The following SAV1 variants were observed in gnomAD, a reference collection of about 807,000 sequenced individuals.
The protein encoded by SAV1 is protein salvador homolog 1.
SAV1 carries 23 observed loss-of-function variants against 47.3 expected under a neutral mutation model. That is an observed-to-expected ratio of 0.49 (90% CI 0.35 to 0.69). SAV1 has a LOEUF of 0.69. SAV1 is among the 30% of genes least tolerant of loss of function. SAV1 has a pLI of 0.01. For synonymous variants in SAV1, 155 were observed against 159.2 expected (o/e 0.97, Z 0.20); for missense variants, 448 against 457.4 (o/e 0.98, Z 0.19).
chr14:50,646,685 CAAAAAA>C (rs78772724), intron 2 of SAV1, among the ~76,000 whole-genome samples: 3 of 76,320 alleles, frequency 3.9e-5, no homozygotes, highest in African/African-American at 9.0e-5. Flanking sequence ...AACTCTGTCT[CAAAAAA>C]AAAAAAAAAA....
Position 50,667,862 on chromosome 14 carries a change from C to A in SAV1, c.94+12G>T. ...CTGGGCCAGGTGTGGGCACGCCCCG[C>A]CTGACACTCACTCCGAAGCAGAGGC... is the stretch of plus-strand genomic sequence containing the variant. On this transcript the variant is annotated intron_variant, in intron 1 of 4. Coordinates refer to ENST00000324679, the MANE Select transcript of SAV1 (RefSeq NM_021818.4). 1 of 1,612,122 alleles carries A rather than the reference C, an allele frequency of 6.2e-7. No homozygotes were observed. Among genetic ancestry groups the A allele is most frequent in the Non-Finnish European group, 8.5e-7 (1 of 1,178,740 alleles).
Position 50,635,148 on chromosome 14 carries a change from AG to A in SAV1, c.*34del, listed in dbSNP as rs1196553552. On this transcript the variant is annotated 3_prime_UTR_variant, in exon 5 of 5. Coordinates refer to ENST00000324679, the MANE Select transcript of SAV1 (RefSeq NM_021818.4). Reference sequence around the variant, plus strand: ...TTTTTTATCTGTGAAAATATTTTAAAGCTCTTACAAAACTTAAATTTTTAAA... The same window carrying A: ...TTTTTTATCTGTGAAAATATTTTAAACTCTTACAAAACTTAAATTTTTAAA... 1 of 1,503,366 alleles carries A rather than the reference AG, an allele frequency of 6.7e-7. No individual in the cohort carries two copies. Among genetic ancestry groups the A allele is most frequent in the South Asian group, 1.1e-5 (1 of 87,638 alleles). The allele number at this position is 1,503,366 out of a possible 1,614,324, so 93.1% of individuals were successfully genotyped here.
At chr14:50,665,990 T>C (rs1450060671) in intron 1 of SAV1, among the ~76,000 whole-genome samples, 1 of 152,216 alleles carries the variant, frequency 6.6e-6, no homozygotes, top group African/African-American at 2.4e-5. Flanking sequence ...AAATTGATAG[T>C]TTCTAGTTAA....
intron 2 of SAV1, among the ~76,000 whole-genome samples, chr14:50,648,380 A>G (rs1384015448): frequency 6.6e-6 from 1 of 152,216 alleles, no homozygotes; most frequent in African/African-American, 2.4e-5. Flanking sequence ...ATTACATGAA[A>G]TCTATACATA....
intron 3 of SAV1, among the ~76,000 whole-genome samples, chr14:50,642,275 G>A (rs969004628): frequency 1.1e-4 from 17 of 152,056 alleles, no homozygotes; most frequent in African/African-American, 3.9e-4. Context: ...TCACACCTGA[G>A]GTCGGGAGTT....
At chr14:50,644,698 T>C (rs767373591) in intron 3 of SAV1, 46 bp downstream of exon 3, 4 of 1,561,786 alleles carry the variant, frequency 2.6e-6, no homozygotes, top group Non-Finnish European at 2.6e-6. Flanking sequence ...AACCTAACAT[T>C]AGACAATCCC....
At chr14:50,650,787 C>T (rs2039761647) in intron 2 of SAV1, among the ~76,000 whole-genome samples, 1 of 152,110 alleles carries the variant, frequency 6.6e-6, no homozygotes, top group Non-Finnish European at 1.5e-5. Flanking sequence ...TTTGGGAGGC[C>T]AAGGTGGATG....
In SAV1 at chr14:50,633,610, A is replaced by C. The variant is rs1193073747; in HGVS notation, c.*1573T>G. On this transcript the variant is annotated 3_prime_UTR_variant, in exon 5 of 5. Transcript: ENST00000324679. Reference sequence around the variant, plus strand: ...AAAATGAAATACAGCACTATGTCTAAAACATGGACTCAAAAACCACGCGCT... The same window carrying C: ...AAAATGAAATACAGCACTATGTCTACAACATGGACTCAAAAACCACGCGCT... The C allele has an allele frequency of 6.6e-6, 1 of 152,614 alleles. No individual in the cohort carries two copies. Among genetic ancestry groups the C allele is most frequent in the Admixed American group, 6.5e-5 (1 of 15,280 alleles). 9.5% of individuals were successfully genotyped at this position (152,614 alleles called of 1,614,324 possible). A position where few individuals can be genotyped will look rare whatever the true frequency, so the allele number is the denominator to read the frequency against.
rs2039917149 is a variant in SAV1 at position 50,667,881 on chromosome 14, C to T, written c.87G>A (p.Leu29=). 1 of 1,613,164 alleles carries T rather than the reference C, an allele frequency of 6.2e-7. No individual in the cohort carries two copies. The highest frequency in any genetic ancestry group is 1.7e-5 in the Admixed American group (1 of 60,000). The change falls in exon 1 of 5, where the codon CTG becomes CTA. Residue 29 remains leucine (L), a synonymous_variant. Transcript: ENST00000324679. ...GKYVKKETSP[L]LRNLMPSFIR... is the part of the protein sequence containing the mutation. The stretch of plus-strand genomic sequence containing the variant: ...GCCCCGCCTGACACTCACTCCGAAG[C>T]AGAGGCGACGTCTCCTTCTTCACGT...
intron 2 of SAV1, among the ~76,000 whole-genome samples, chr14:50,652,085 T>C (rs1262632807): frequency 6.6e-6 from 1 of 152,196 alleles, no homozygotes; most frequent in African/African-American, 2.4e-5. Context: ...AATAGTTACA[T>C]AATTGTCAAC....
intron 2 of SAV1, among the ~76,000 whole-genome samples, chr14:50,647,781 A>C (rs1303197316): frequency 6.6e-6 from 1 of 152,134 alleles, no homozygotes; most frequent in African/African-American, 2.4e-5. Context: ...ACCAAACAAA[A>C]CCTGACAATG....
At chr14:50,635,603 C>CA (rs1429334134) in intron 4 of SAV1, among the ~76,000 whole-genome samples, 2 of 152,040 alleles carry the variant, frequency 1.3e-5, no homozygotes, top group African/African-American at 4.8e-5. Flanking sequence ...TGCTTGTGCC[C>CA]AAGAGTTTGA....
At chr14:50,647,614 A>G (rs904793896) in intron 2 of SAV1, among the ~76,000 whole-genome samples, 8 of 152,212 alleles carry the variant, frequency 5.3e-5, no homozygotes, top group African/African-American at 9.6e-5. Context: ...GTTAAAAAAA[A>G]GGGGGGTAAG....
intron 2 of SAV1, among the ~76,000 whole-genome samples, chr14:50,650,447 C>G (rs1348714665): frequency 6.6e-6 from 1 of 152,182 alleles, no homozygotes; most frequent in Admixed American, 6.5e-5. Context: ...ATGTAGTAGC[C>G]AGCCAGTAAG....
intron 2 of SAV1, among the ~76,000 whole-genome samples, chr14:50,656,312 C>T (rs1186764410): frequency 6.6e-6 from 1 of 152,030 alleles, no homozygotes; most frequent in Non-Finnish European, 1.5e-5. Flanking sequence ...CATGAAGTAC[C>T]CAAAAAGTTG....
intron 2 of SAV1, among the ~76,000 whole-genome samples, chr14:50,647,041 C>T (rs2039728150): frequency 6.6e-6 from 1 of 151,998 alleles, no homozygotes; most frequent in African/African-American, 2.4e-5. Context: ...AACTGGACAT[C>T]CATATGCAAA....
chr14:50,644,559 A>C (rs1566741687), intron 3 of SAV1, among the ~76,000 whole-genome samples, 185 bp downstream of exon 3: 1 of 151,812 alleles, frequency 6.6e-6, no homozygotes, highest in African/African-American at 2.4e-5. Flanking sequence ...AGAGAAAAGT[A>C]TTTTTTTAAC....
chr14:50,655,999 C>T lies in SAV1; in HGVS notation c.535+9180G>A, dbSNP rs558916837. Among the ~76,000 whole-genome samples, 6 of 152,264 alleles carry T rather than the reference C, an allele frequency of 3.9e-5. No individual in the cohort carries two copies. The East Asian group carries it at 9.7e-4, about 25-fold the overall frequency. On this transcript the variant is annotated intron_variant, in intron 2 of 4. Transcript: ENST00000324679. ...GGCAGAGGTTGTGGTGAGCCAAGAT[C>T]GTGCCATTGCACTCCAGCCTGGGCA...
At chr14:50,650,146 G>A (rs1244160558) in intron 2 of SAV1, among the ~76,000 whole-genome samples, 2 of 152,186 alleles carry the variant, frequency 1.3e-5, no homozygotes, top group Non-Finnish European at 2.9e-5. Context: ...GGATAAATAC[G>A]GGTTATTGGC....
Sources: gnomAD v4.1 joint callset for allele counts (sites outside exome capture counted in the v4.1 genomes callset) on GRCh38, gnomAD v4.1.1 for gene constraint, MANE v1.5 for transcripts, NCBI Gene and HGNC (gene_info 2026-07-23, HGNC 2026-07-21) for gene names.